HIRA: variants seen among roughly 807,000 people sequenced by gnomAD.
HIRA encodes the protein histone cell cycle regulator, also known as protein HIRA.
In HIRA, 13 loss-of-function variants were observed where a neutral mutation model predicts 126.6. The ratio of observed to expected loss-of-function variants is 0.10; its 90% CI spans 0.07 to 0.16. The LOEUF (loss-of-function observed/expected upper bound fraction) is 0.16, where lower values mean the gene tolerates loss of function less well. Among genes scored for constraint, HIRA ranks in the 10% least tolerant of loss-of-function variants. HIRA has a pLI of 1.00. For missense variants in HIRA, 834 were observed against 1,314.4 expected (o/e 0.63, Z 5.65); for synonymous variants, 511 against 520.0 (o/e 0.98, Z 0.24).
chr22:19,353,249 G>T, intron 23 of HIRA, 107 bp downstream of exon 23: 1 of 1,365,568 alleles, frequency 7.3e-7, no homozygotes, highest in Non-Finnish European at 1.0e-6. Flanking sequence ...GGAGGTAGAG[G>T]CTGCTGGGCC....
intron 2 of HIRA, among the ~76,000 whole-genome samples, chr22:19,409,409 G>T (rs1032287756): frequency 6.6e-6 from 1 of 151,528 alleles, no homozygotes; most frequent in Non-Finnish European, 1.5e-5. Flanking sequence ...TCAGCCTCCC[G>T]ACTAGCTGGG....
chr22:19,378,143 T>C (rs2089036820), intron 13 of HIRA, 77 bp from the exon 14 acceptor site: 1 of 1,111,814 alleles, frequency 9.0e-7, no homozygotes. Flanking sequence ...CAAATAACTT[T>C]TTTCTAGGTC....
intron 18 of HIRA, among the ~76,000 whole-genome samples, chr22:19,358,402 G>A (rs1315202116): frequency 4.6e-5 from 7 of 152,174 alleles, no homozygotes; most frequent in Admixed American, 4.6e-4. Flanking sequence ...CCCCACAGCT[G>A]CCATGTCACT....
At chr22:19,408,725 C>A (rs924042453) in intron 2 of HIRA, 132 bp from the exon 3 acceptor site, 1 of 575,336 alleles carries the variant, frequency 1.7e-6, no homozygotes, top group African/African-American at 1.9e-5. Flanking sequence ...TCTAAGGAGA[C>A]TGAATTTAAA....
chr22:19,429,852 A>T (rs1200073976), intron 1 of HIRA, among the ~76,000 whole-genome samples: 2 of 152,212 alleles, frequency 1.3e-5, no homozygotes, highest in Non-Finnish European at 2.9e-5. Context: ...TAAAAATTCT[A>T]TCAGACCTTC....
At chr22:19,356,779 C>A in intron 19 of HIRA, 111 bp downstream of exon 19, 2 of 1,089,504 alleles carry the variant, frequency 1.8e-6, no homozygotes, top group Non-Finnish European at 2.6e-6. Flanking sequence ...TCTTCTGGGG[C>A]CTGATGGCCA....
At chr22:19,336,372 A>C (rs1393142901) in intron 24 of HIRA, among the ~76,000 whole-genome samples, 1 of 152,232 alleles carries the variant, frequency 6.6e-6, no homozygotes, top group Non-Finnish European at 1.5e-5. Context: ...ATTCCACAAG[A>C]CAGGTGAAAA....
chr22:19,382,653 T>A (rs1266349656), intron 13 of HIRA, among the ~76,000 whole-genome samples: 1 of 152,044 alleles, frequency 6.6e-6, no homozygotes, highest in African/African-American at 2.4e-5. Flanking sequence ...GTGTGTGGCC[T>A]CCATGAAGGG....
chr22:19,391,768 C>T (rs907955454), intron 9 of HIRA, among the ~76,000 whole-genome samples: 1 of 152,196 alleles, frequency 6.6e-6, no homozygotes, highest in Non-Finnish European at 1.5e-5. Flanking sequence ...GCGTGAGCCA[C>T]CGCGCCCAGC....
rs143733602 is a variant in HIRA, at chr22:19,369,116, ATGG to A, written c.1775+6512_1775+6514del. Among the ~76,000 whole-genome samples the A allele has an allele frequency of 7.5e-3, 1,145 of 152,188 alleles. 25 individuals carry two copies. Among genetic ancestry groups the A allele is most frequent in the East Asian group, 0.068 (350 of 5,176 alleles). On this transcript the variant is annotated intron_variant, in intron 15 of 24. Coordinates refer to ENST00000263208, the MANE Select transcript of HIRA (RefSeq NM_003325.4). ...CTGGCCAGGGCTGCCCCCCTTACAA[ATGG>A]GCTCCATCCTAGGTTCTGTCTGCTC...
chr22:19,424,408 C>T (rs2089473208), intron 1 of HIRA, among the ~76,000 whole-genome samples: 1 of 152,218 alleles, frequency 6.6e-6, no homozygotes, highest in East Asian at 1.9e-4. Context: ...AACCAGAGAA[C>T]TCTTGAAAAT....
At chr22:19,424,198 G>C (rs1271980116) in intron 1 of HIRA, among the ~76,000 whole-genome samples, 1 of 152,196 alleles carries the variant, frequency 6.6e-6, no homozygotes. Flanking sequence ...TGCTCCCCCA[G>C]GGAGGTGTCT....
In HIRA at chr22:19,405,881, C is replaced by A; in HGVS notation, c.303-1G>T. 1 of 1,467,082 alleles carries A rather than the reference C, an allele frequency of 6.8e-7. No individual in the cohort carries two copies. The highest frequency in any genetic ancestry group is 9.1e-7 in the Non-Finnish European group (1 of 1,100,754). 90.9% of individuals were successfully genotyped at this position (1,467,082 alleles called of 1,614,324 possible). On this transcript the variant is annotated splice_acceptor_variant, in intron 4 of 24. Transcript: ENST00000263208. LOFTEE classifies it high-confidence loss of function. The stretch of plus-strand genomic sequence containing the variant: ...GAACACGGTGCTGGGGCCGATGTAC[C>A]TGTGTGAGAAAGGGGCCAAAAAGGC...
In HIRA at chr22:19,375,675, T is replaced by C; in HGVS notation, c.1731A>G (p.Pro577=). 1 of 1,614,170 alleles carries C rather than the reference T, an allele frequency of 6.2e-7. No individual in the cohort carries two copies. The highest frequency in any genetic ancestry group is 1.1e-5 in the South Asian group (1 of 91,090). Residue 577 remains proline (P), a synonymous_variant, in exon 15 of 25, where the codon CCA becomes CCG. Transcript: ENST00000263208. ...TCATGCTGGTCAGGGCAGGAGCACC[T>C]GGTGTGGCTTTGGACCGCTCTGTGA... ...SRFTERSKAT[P]GAPALTSMTP...
rs1405996174 is a variant in HIRA, at chr22:19,385,580, C to G, written c.1270G>C (p.Gly424Arg). ...DQKSAATREM[G>R]SATSVAGVVN... ...ACGCCTGCGACTGAGGTGGCTGAGC[C>G]CATCTCCCTGGTCGCAGCACTCTTC... Residue 424 changes from glycine to arginine, a missense_variant, in exon 12 of 25, where the codon GGC (glycine) becomes CGC (arginine). Transcript: ENST00000263208. The G allele has an allele frequency of 6.2e-7, 1 of 1,614,196 alleles. No homozygotes were observed. The highest frequency in any genetic ancestry group is 1.1e-5 in the South Asian group (1 of 91,086).
At chr22:19,348,933 A>AG (rs1556009871) in intron 24 of HIRA, among the ~76,000 whole-genome samples, 11 of 144,668 alleles carry the variant, frequency 7.6e-5, no homozygotes, top group Middle Eastern at 4.3e-3. Flanking sequence ...TTACAGGCAC[A>AG]TGTCACCAAG....
At chr22:19,394,262 T>A in intron 8 of HIRA, 80 bp downstream of exon 8, 2 of 1,466,828 alleles carry the variant, frequency 1.4e-6, no homozygotes, top group Non-Finnish European at 1.9e-6. Flanking sequence ...AATATTTAAG[T>A]ATAACTATTC....
chr22:19,351,361 T>G lies in HIRA; in HGVS notation c.2934A>C (p.Val978=). 1 of 1,610,214 alleles carries G rather than the reference T, an allele frequency of 6.2e-7. No individual in the cohort carries two copies. The highest frequency in any genetic ancestry group is 1.1e-5 in the South Asian group (1 of 90,036). ...YSTGSQWEST[V]VGLRKRELLK... ...CAACAATGAAAGAAGCACCTACCACTACTGTTGACTCCCACTGGCTTCCAG... is the reference window on the plus strand; with the variant it reads ...CAACAATGAAAGAAGCACCTACCACGACTGTTGACTCCCACTGGCTTCCAG... The change falls in exon 24 of 25, where the codon GTA becomes GTC. Residue 978 remains valine, a synonymous_variant. Transcript: ENST00000263208. This position sits in a 1 kb window ranked among gnomAD's most constrained non-coding sequence, Gnocchi z 4.8.
chr22:19,335,273 T>C (rs2088552541), intron 24 of HIRA, among the ~76,000 whole-genome samples: 2 of 152,038 alleles, frequency 1.3e-5, no homozygotes, highest in Admixed American at 1.3e-4. Flanking sequence ...GACAGGGTCT[T>C]GCGCTCTGTT....
Sources: gnomAD v4.1 joint callset for allele counts (sites outside exome capture counted in the v4.1 genomes callset) on GRCh38, gnomAD v4.1.1 for gene constraint, Gnocchi (gnomAD v3.1) non-coding constraint, MANE v1.5 for transcripts, NCBI Gene and HGNC (gene_info 2026-07-23, HGNC 2026-07-21) for gene names.